Variants in KIAA0825 observed in about 807,000 individuals in gnomAD.
KIAA0825 encodes the protein KIAA0825.
KIAA0825 carries 119 observed loss-of-function variants against 147.6 expected under a neutral mutation model. The observed-to-expected ratio is 0.81, with a 90% confidence interval of 0.69 to 0.94. The LOEUF (loss-of-function observed/expected upper bound fraction) is 0.94, where lower values mean the gene tolerates loss of function less well. Among genes scored for constraint, KIAA0825 ranks in the 40% least tolerant of loss-of-function variants. The pLI is 0.00. For synonymous variants in KIAA0825, 470 were observed against 518.1 expected (o/e 0.91, Z 1.26); for missense variants, 1,381 against 1,472.7 (o/e 0.94, Z 1.02).
intron 1 of KIAA0825, among the ~76,000 whole-genome samples, chr5:94,600,484 T>C (rs911419529): frequency 2.6e-5 from 4 of 152,082 alleles, no homozygotes; most frequent in African/African-American, 7.2e-5. Context: ...AATACCTTAA[T>C]GTATTTTATA....
intron 20 of KIAA0825, among the ~76,000 whole-genome samples, chr5:94,285,690 T>C (rs1379304817): frequency 6.6e-6 from 1 of 152,202 alleles, no homozygotes; most frequent in Non-Finnish European, 1.5e-5. Context: ...TCCTTGGCTA[T>C]TGCCTAGGTT....
chr5:94,384,277 C>G (rs772615270), intron 20 of KIAA0825, 91 bp downstream of exon 20: 2 of 844,198 alleles, frequency 2.4e-6, no homozygotes, highest in African/African-American at 1.7e-5. Flanking sequence ...CAAAAGTATG[C>G]TAGTAAAATC....
intron 20 of KIAA0825, among the ~76,000 whole-genome samples, chr5:94,188,981 G>A (rs1770415952): frequency 1.3e-5 from 2 of 152,114 alleles, no homozygotes; most frequent in Admixed American, 6.5e-5. Flanking sequence ...TAGGTATGTA[G>A]TAGTACCTTA....
At chr5:94,506,681 A>G (rs1315559822) in intron 5 of KIAA0825, among the ~76,000 whole-genome samples, 1 of 152,204 alleles carries the variant, frequency 6.6e-6, no homozygotes, top group Non-Finnish European at 1.5e-5. Flanking sequence ...TTAAAAATAT[A>G]TATTTACAAA....
intron 2 of KIAA0825, among the ~76,000 whole-genome samples, chr5:94,548,783 T>C (rs777023351): frequency 1.5e-4 from 23 of 152,238 alleles, no homozygotes; most frequent in Admixed American, 8.5e-4. Flanking sequence ...TAGATATACT[T>C]GTATCAGACA....
At chr5:94,562,847 T>A (rs1011421738) in intron 2 of KIAA0825, among the ~76,000 whole-genome samples, 1 of 152,148 alleles carries the variant, frequency 6.6e-6, no homozygotes, top group African/African-American at 2.4e-5. Flanking sequence ...ATGTAAGAGA[T>A]AGTATGTAGG....
intron 20 of KIAA0825, among the ~76,000 whole-genome samples, chr5:94,234,109 G>A (rs996362223): frequency 6.6e-6 from 1 of 152,262 alleles, no homozygotes; most frequent in African/African-American, 2.4e-5. Flanking sequence ...GCTCACGCCT[G>A]TAATCCCAGC....
At chr5:94,410,728 A>C (rs1008418633) in intron 15 of KIAA0825, among the ~76,000 whole-genome samples, 4 of 152,210 alleles carry the variant, frequency 2.6e-5, no homozygotes, top group Non-Finnish European at 4.4e-5. Flanking sequence ...AAAAGAACAA[A>C]AAAATTCTGA....
chr5:94,302,486 C>T (rs370245114), intron 20 of KIAA0825, among the ~76,000 whole-genome samples: 11 of 152,030 alleles, frequency 7.2e-5, no homozygotes, highest in Middle Eastern at 3.4e-3. Context: ...CATCATGTCC[C>T]GAATTAGAGT....
At position 94,151,504 on chromosome 5, in the gene KIAA0825, A is replaced by G. The variant is rs1766498761; in HGVS notation, c.*2503T>C. On this transcript the variant is annotated 3_prime_UTR_variant, in exon 21 of 21. Coordinates refer to ENST00000682413, the MANE Select transcript of KIAA0825 (RefSeq NM_001145678.3). The stretch of plus-strand genomic sequence containing the variant: ...TGATAAATCAATGACTTGTCACCTA[A>G]TACTCTCAATTATAAACTTTATTGC... Among the ~76,000 whole-genome samples the G allele has an allele frequency of 6.6e-6, 1 of 151,872 alleles. No homozygotes were observed. The highest frequency in any genetic ancestry group is 2.1e-4 in the South Asian group (1 of 4,816).
chr5:94,258,118 C>T (rs533095825), intron 20 of KIAA0825, among the ~76,000 whole-genome samples: 2 of 152,066 alleles, frequency 1.3e-5, no homozygotes, highest in South Asian at 2.1e-4. Context: ...AGCACAGGGT[C>T]AGCATCTTTT....
intron 20 of KIAA0825, among the ~76,000 whole-genome samples, chr5:94,293,624 G>C (rs1310955018): frequency 2.6e-5 from 4 of 152,108 alleles, no homozygotes; most frequent in African/African-American, 9.7e-5. Context: ...ATGTCTATTA[G>C]GTCTGCTTGG....
At chr5:94,202,285 A>G (rs955383224) in intron 20 of KIAA0825, among the ~76,000 whole-genome samples, 2 of 152,222 alleles carry the variant, frequency 1.3e-5, no homozygotes, top group Non-Finnish European at 2.9e-5. Context: ...GAGGAAGAAC[A>G]GAAAAATCAC....
intron 17 of KIAA0825, among the ~76,000 whole-genome samples, chr5:94,392,853 A>T (rs1270403342): frequency 6.6e-6 from 1 of 152,234 alleles, no homozygotes; most frequent in Non-Finnish European, 1.5e-5. Flanking sequence ...TAGCCTTGCT[A>T]AAAAATAAAG....
intron 5 of KIAA0825, among the ~76,000 whole-genome samples, chr5:94,511,436 C>A (rs1158671594): frequency 1.3e-5 from 2 of 152,172 alleles, no homozygotes; most frequent in Non-Finnish European, 2.9e-5. Context: ...GCCTGACCAA[C>A]ATGGGGAAAC....
intron 19 of KIAA0825, 109 bp downstream of exon 19, chr5:94,386,133 G>T: frequency 1.0e-6 from 1 of 954,798 alleles, no homozygotes; most frequent in Non-Finnish European, 1.5e-6. Flanking sequence ...AAGGCCTTTT[G>T]CTTCCTAGCA....
intron 20 of KIAA0825, among the ~76,000 whole-genome samples, chr5:94,353,160 C>T (rs1029129305): frequency 6.6e-6 from 1 of 152,046 alleles, no homozygotes; most frequent in Admixed American, 6.5e-5. Context: ...CAGGAAACAA[C>T]AATTAGCTAC....
intron 20 of KIAA0825, among the ~76,000 whole-genome samples, chr5:94,172,061 T>C (rs1428208364): frequency 2.0e-5 from 3 of 152,032 alleles, no homozygotes; most frequent in Non-Finnish European, 4.4e-5. Context: ...TGCTTTAGAG[T>C]TAAAAGACAT....
At chr5:94,516,951 T>C (rs1174414169) in intron 5 of KIAA0825, among the ~76,000 whole-genome samples, 1 of 151,706 alleles carries the variant, frequency 6.6e-6, no homozygotes, top group African/African-American at 2.4e-5. Flanking sequence ...AAATACAAAA[T>C]TAACCGGGCA....
Sources: allele counts gnomAD v4.1 joint callset (sites outside exome capture counted in the v4.1 genomes callset), GRCh38; gene constraint gnomAD v4.1.1; transcripts MANE v1.5; gene names NCBI Gene and HGNC (gene_info 2026-07-23, HGNC 2026-07-21).